OPHN1: variants seen among roughly 807,000 people sequenced by gnomAD.
OPHN1 encodes the protein oligophrenin 1.
Under a neutral mutation model 60.7 loss-of-function variants are expected in OPHN1, and 11 were observed. The ratio of observed to expected loss-of-function variants is 0.18; its 90% CI spans 0.11 to 0.30. OPHN1 has a LOEUF of 0.30. OPHN1 is among the 10% of genes least tolerant of loss of function. The probability of loss-of-function intolerance (pLI) is 1.00; values close to 1 mark genes in which losing one functional copy is unlikely to be tolerated. For synonymous variants in OPHN1, 226 were observed against 222.6 expected (o/e 1.02, Z -0.14); for missense variants, 449 against 611.0 (o/e 0.73, Z 2.80).
intron 5 of OPHN1, among the ~76,000 whole-genome samples, chrX:68,274,282 A>G (rs1017145587): frequency 8.9e-6 from 1 of 112,341 alleles, no homozygotes; most frequent in Non-Finnish European, 1.9e-5. Context: ...TGCCAGAAGC[A>G]CACAAAGTCC....
At chrX:68,414,365 G>A (rs2078783827) in intron 2 of OPHN1, among the ~76,000 whole-genome samples, 1 of 111,568 alleles carries the variant, frequency 9.0e-6, no homozygotes, top group Non-Finnish European at 1.9e-5. Context: ...TGGAATATGG[G>A]TAAGGCTGTG....
chrX:68,170,769 C>T (rs2077386714), intron 15 of OPHN1, among the ~76,000 whole-genome samples: 1 of 73,344 alleles, frequency 1.4e-5, no homozygotes, highest in African/African-American at 5.8e-5. Flanking sequence ...ACATCACACT[C>T]TGGGGACTGT....
intron 15 of OPHN1, among the ~76,000 whole-genome samples, chrX:68,163,320 T>C (rs1927231): frequency 0.35 from 38,352 of 109,608 alleles, 5,560 homozygotes; most frequent in African/African-American, 0.52. Context: ...ATAAATGAGA[T>C]CATGCAGTAT....
At chrX:68,114,104 ACC>A (rs2077117438) in intron 16 of OPHN1, among the ~76,000 whole-genome samples, 1 of 111,242 alleles carries the variant, frequency 9.0e-6, no homozygotes, top group Non-Finnish European at 1.9e-5. Context: ...AGAAAAGAGC[ACC>A]ATACACAAAA....
chrX:68,252,548 T>TA (rs959543766), intron 5 of OPHN1, among the ~76,000 whole-genome samples: 1 of 111,892 alleles, frequency 8.9e-6, no homozygotes, highest in African/African-American at 3.2e-5. Context: ...AAATAAATGT[T>TA]ACAGTAGGGA....
At chrX:68,335,705 G>T (rs868450411) in intron 2 of OPHN1, among the ~76,000 whole-genome samples, 173 of 111,548 alleles carry the variant, frequency 1.6e-3, no homozygotes, top group African/African-American at 5.1e-3. Context: ...AAGGCAGGTG[G>T]ATCACTTGAG....
At position 68,194,462 on chromosome X, in the gene OPHN1, C is replaced by T. The variant is rs1247726887; in HGVS notation, c.1138+3G>A. The T allele has an allele frequency of 3.3e-6, 4 of 1,206,073 alleles. No homozygotes were observed. In the Admixed American group the frequency reaches 6.5e-5, roughly 20 times the overall value. On this transcript the variant is annotated splice_donor_region_variant and intron_variant, in intron 13 of 24. Coordinates refer to ENST00000355520, the MANE Select transcript of OPHN1 (RefSeq NM_002547.3). ...TAGTAGACCAAAAACTTAAGTGACT[C>T]ACTTTCTTGCTGTTTTGTTATAGGG... is the stretch of plus-strand genomic sequence containing the variant.
At chrX:68,119,563 C>G (rs1464829774) in intron 15 of OPHN1, among the ~76,000 whole-genome samples, 1 of 111,366 alleles carries the variant, frequency 9.0e-6, no homozygotes, top group Non-Finnish European at 1.9e-5. Flanking sequence ...ACTGAACAAA[C>G]AAAATCAACT....
chrX:68,416,241 C>T lies in OPHN1; in HGVS notation c.154+16626G>A, dbSNP rs1362073067. Among the ~76,000 whole-genome samples, 6 of 107,739 alleles carry T rather than the reference C, an allele frequency of 5.6e-5. No homozygotes were observed. The Admixed American group carries it at 6.1e-4, about 11-fold the overall frequency. The allele number at this position is 107,739 out of a possible 115,157, so 93.6% of individuals were successfully genotyped here. A position where few individuals can be genotyped will look rare whatever the true frequency, so the allele number is the denominator to read the frequency against. On this transcript the variant is annotated intron_variant, in intron 2 of 24. Coordinates refer to ENST00000355520, the MANE Select transcript of OPHN1 (RefSeq NM_002547.3). The stretch of plus-strand genomic sequence containing the variant: ...ATTTTTTTGTACAGGCAGGATTTCA[C>T]CATGTTGGCCTAGCTGGTCTCGAAC...
intron 15 of OPHN1, among the ~76,000 whole-genome samples, chrX:68,152,487 G>C (rs2077289191): frequency 9.4e-6 from 1 of 106,365 alleles, no homozygotes. Flanking sequence ...GTAGCCCCGA[G>C]ACTGGAGTGC....
At chrX:68,207,008 A>T (rs1446721612) in intron 9 of OPHN1, among the ~76,000 whole-genome samples, 1 of 111,594 alleles carries the variant, frequency 9.0e-6, no homozygotes, top group Non-Finnish European at 1.9e-5. Context: ...GTCATTGGTC[A>T]TTGGGTTATG....
intron 2 of OPHN1, among the ~76,000 whole-genome samples, chrX:68,320,543 C>T (rs958449191): frequency 9.1e-6 from 1 of 109,887 alleles, no homozygotes; most frequent in African/African-American, 3.3e-5. Context: ...GAATGAACCC[C>T]CCCCCATTTT....
At position 68,411,557 on chromosome X, in the gene OPHN1, G is replaced by A. The variant is rs754671211; in HGVS notation, c.154+21310C>T. Among the ~76,000 whole-genome samples the A allele has an allele frequency of 3.1e-3, 345 of 112,073 alleles. 2 individuals carry two copies. Among genetic ancestry groups the A allele is most frequent in the African/African-American group, 0.011 (326 of 30,930 alleles). On this transcript the variant is annotated intron_variant, in intron 2 of 24. Transcript: ENST00000355520. ...ATTTTTTCATAGGCTTGTTGGCCCCGTATATGTCTTCTTTTGAAAAGTGTC... is the reference window on the plus strand; with the variant it reads ...ATTTTTTCATAGGCTTGTTGGCCCCATATATGTCTTCTTTTGAAAAGTGTC...
chrX:68,275,918 G>C (rs1205536103), intron 4 of OPHN1, among the ~76,000 whole-genome samples: 4 of 110,922 alleles, frequency 3.6e-5, no homozygotes, highest in Non-Finnish European at 7.5e-5. Context: ...TCCTAAAATG[G>C]CACTGCCAGC....
chrX:68,399,901 A>G (rs2078704916), intron 2 of OPHN1, among the ~76,000 whole-genome samples: 1 of 107,276 alleles, frequency 9.3e-6, no homozygotes, highest in African/African-American at 3.4e-5. Context: ...TCTTGGCTCA[A>G]TGCAACCTCT....
intron 2 of OPHN1, among the ~76,000 whole-genome samples, chrX:68,335,111 C>T (rs768292056): frequency 9.2e-6 from 1 of 108,286 alleles, no homozygotes; most frequent in Non-Finnish European, 1.9e-5. Flanking sequence ...TTGACATAAG[C>T]GCTCTAGCCT....
intron 15 of OPHN1, chrX:68,133,408 G>A (rs2077206208): frequency 6.4e-6 from 5 of 780,897 alleles, no homozygotes; most frequent in Non-Finnish European, 7.8e-6. Context: ...ATTATGCAAC[G>A]GTATGGGACA....
At chrX:68,235,730 C>T (rs182568200) in intron 5 of OPHN1, among the ~76,000 whole-genome samples, 1,206 of 108,112 alleles carry the variant, frequency 0.011, 4 homozygotes, top group Non-Finnish European at 0.016. Context: ...TGGTGGTGCA[C>T]GCCTGTAATC....
chrX:68,112,280 T>C (rs752983714), intron 17 of OPHN1: 5 of 181,884 alleles, frequency 2.7e-5, no homozygotes, highest in Non-Finnish European at 5.0e-5. Context: ...GAAACAGGTC[T>C]AAAAAGATGT....
Sources: allele counts gnomAD v4.1 joint callset (sites outside exome capture counted in the v4.1 genomes callset), GRCh38; gene constraint gnomAD v4.1.1; transcripts MANE v1.5; gene names NCBI Gene and HGNC (gene_info 2026-07-23, HGNC 2026-07-21).